SLC9A7: variants seen among roughly 807,000 people sequenced by gnomAD.
SLC9A7 encodes the protein sodium/hydrogen exchanger 7.
Under a neutral mutation model 52.6 loss-of-function variants are expected in SLC9A7, and 19 were observed. The observed-to-expected ratio is 0.36, with a 90% CI of 0.25 to 0.53. The LOEUF is 0.53. Among genes scored for constraint, SLC9A7 ranks in the 20% least tolerant of loss-of-function variants. SLC9A7 has a pLI of 0.91. For synonymous variants in SLC9A7, 226 were observed against 252.1 expected, an observed-to-expected ratio of 0.90 and a Z score of 0.98; for missense variants, 455 against 597.9, an observed-to-expected ratio of 0.76 and a Z score of 2.49.
chrX:46,675,314 G>A (rs1003603230), intron 3 of SLC9A7, among the ~76,000 whole-genome samples: 5 of 111,465 alleles, frequency 4.5e-5, no homozygotes, highest in Non-Finnish European at 9.4e-5. Context: ...TATACCATCC[G>A]TTAAATGGTG....
intron 1 of SLC9A7, among the ~76,000 whole-genome samples, chrX:46,692,297 C>T (rs1184342602): frequency 9.0e-6 from 1 of 111,464 alleles, no homozygotes; most frequent in African/African-American, 3.3e-5. Flanking sequence ...CTGCATGGCA[C>T]CATTAGGAAG....
At chrX:46,716,398 A>G (rs1211407114) in intron 1 of SLC9A7, among the ~76,000 whole-genome samples, 3 of 112,090 alleles carry the variant, frequency 2.7e-5, no homozygotes, top group Non-Finnish European at 3.8e-5. Flanking sequence ...CCTTAATTCA[A>G]TAAACATTCA....
intron 12 of SLC9A7, among the ~76,000 whole-genome samples, chrX:46,640,944 C>T (rs1260381020): frequency 8.9e-6 from 1 of 111,982 alleles, no homozygotes; most frequent in African/African-American, 3.2e-5. Context: ...TGGGAATGTA[C>T]AATGGTACAG....
intron 1 of SLC9A7, 113 bp from the exon 2 acceptor site, chrX:46,682,648 G>T: frequency 1.5e-6 from 1 of 652,523 alleles, no homozygotes; most frequent in Non-Finnish European, 2.4e-6. Flanking sequence ...CTTAGAAACT[G>T]GGCATGGGGT....
intron 1 of SLC9A7, among the ~76,000 whole-genome samples, chrX:46,721,242 C>T (rs1944855484): frequency 9.0e-6 from 1 of 111,570 alleles, no homozygotes; most frequent in Middle Eastern, 4.6e-3. Context: ...TGGTTCTTTC[C>T]ACTTCTAAAA....
chrX:46,720,993 GAACA>G lies in SLC9A7; in HGVS notation c.325+37708_325+37711del, dbSNP rs767695917. Reference sequence around the variant, plus strand: ...ACAGTACAACAAAATCTAAACTTAAGAACAAACAGGCTGAACAAAGGACTTCAAA... The same window carrying G: ...ACAGTACAACAAAATCTAAACTTAAGAACAGGCTGAACAAAGGACTTCAAA... On this transcript the variant is annotated intron_variant, in intron 1 of 16. Transcript: ENST00000616978. Among the ~76,000 whole-genome samples, 4 of 111,949 alleles carry G rather than the reference GAACA, an allele frequency of 3.6e-5. No individual in the cohort carries two copies. The East Asian group carries it at 1.1e-3, about 31-fold the overall frequency.
At chrX:46,746,497 C>A (rs962128710) in intron 1 of SLC9A7, among the ~76,000 whole-genome samples, 1 of 111,911 alleles carries the variant, frequency 8.9e-6, no homozygotes, top group African/African-American at 3.2e-5. Flanking sequence ...ATAAACATTT[C>A]TCAAAAGAAG....
intron 1 of SLC9A7, among the ~76,000 whole-genome samples, chrX:46,721,765 C>T (rs745599291): frequency 2.7e-5 from 3 of 111,958 alleles, no homozygotes; most frequent in African/African-American, 9.7e-5. Flanking sequence ...CAAGCAAAGG[C>T]CTTGCCTTTC....
chrX:46,633,072 G>A lies in SLC9A7; in HGVS notation c.1677-1423C>T, dbSNP rs147668743. 1.5e-3 allele frequency among the ~76,000 whole-genome samples: 161 copies of A among 108,668 alleles called. 1 individual carries two copies. The highest frequency in any genetic ancestry group is 5.2e-3 in the African/African-American group (156 of 29,923). 94.4% of individuals were successfully genotyped at this position (108,668 alleles called of 115,157 possible). A position where few individuals can be genotyped will look rare whatever the true frequency, so the allele number is the denominator to read the frequency against. On this transcript the variant is annotated intron_variant, in intron 13 of 16. Transcript: ENST00000616978. ...GACATGGATAACACTGGGCAATGGGGGAAAGAAAAAAGATGCCAGGAAAAT... is the reference window on the plus strand; with the variant it reads ...GACATGGATAACACTGGGCAATGGGAGAAAGAAAAAAGATGCCAGGAAAAT...
At chrX:46,710,857 C>T (rs1203072251) in intron 1 of SLC9A7, among the ~76,000 whole-genome samples, 1 of 111,973 alleles carries the variant, frequency 8.9e-6, no homozygotes, top group African/African-American at 3.2e-5. Flanking sequence ...CTGATGACAA[C>T]CTGGGGTCCC....
chrX:46,642,546 C>T (rs1943422777), intron 12 of SLC9A7, among the ~76,000 whole-genome samples: 1 of 112,140 alleles, frequency 8.9e-6, no homozygotes, highest in East Asian at 2.8e-4. Flanking sequence ...GTCTTTAACC[C>T]AAGCCAGAGT....
At chrX:46,654,561 G>C (rs899846282) in intron 7 of SLC9A7, among the ~76,000 whole-genome samples, 1 of 111,047 alleles carries the variant, frequency 9.0e-6, no homozygotes, top group Non-Finnish European at 1.9e-5. Flanking sequence ...TGGTCATGAC[G>C]TCAGGCTGGC....
chrX:46,609,485 G>A (rs1464172103), intron 16 of SLC9A7, among the ~76,000 whole-genome samples: 2 of 112,202 alleles, frequency 1.8e-5, no homozygotes. Flanking sequence ...TGGATCACGA[G>A]GTCAGGGGTT....
intron 1 of SLC9A7, among the ~76,000 whole-genome samples, chrX:46,712,287 C>G (rs1944703090): frequency 9.0e-6 from 1 of 111,323 alleles, no homozygotes; most frequent in Non-Finnish European, 1.9e-5. Context: ...GCACAGTGTC[C>G]ACATCTGTCT....
intron 1 of SLC9A7, among the ~76,000 whole-genome samples, chrX:46,713,751 G>A (rs956190026): frequency 3.6e-5 from 4 of 110,169 alleles, no homozygotes; most frequent in African/African-American, 9.9e-5. Context: ...CCTGTGGTTC[G>A]GTACTTTCAG....
chrX:46,641,874 A>C (rs1322497697), intron 12 of SLC9A7, among the ~76,000 whole-genome samples: 1 of 112,087 alleles, frequency 8.9e-6, no homozygotes, highest in Non-Finnish European at 1.9e-5. Flanking sequence ...TAATAGTCCT[A>C]TCTCCCTTAT....
At chrX:46,629,971 CAT>C (rs1457255415) in intron 14 of SLC9A7, among the ~76,000 whole-genome samples, 1 of 112,039 alleles carries the variant, frequency 8.9e-6, no homozygotes, top group Non-Finnish European at 1.9e-5. Flanking sequence ...TCCCAACTGA[CAT>C]AATGGCCAAT....
intron 16 of SLC9A7, among the ~76,000 whole-genome samples, chrX:46,611,136 C>T (rs149093340): frequency 0.011 from 1,228 of 111,571 alleles, 15 homozygotes; most frequent in African/African-American, 0.027. Context: ...AGGGCCCCTA[C>T]TACCACTTTA....
chrX:46,677,719 G>A (rs760302390), intron 3 of SLC9A7, among the ~76,000 whole-genome samples: 8 of 112,206 alleles, frequency 7.1e-5, no homozygotes, highest in Non-Finnish European at 1.3e-4. Flanking sequence ...CTGATGGGCC[G>A]GCATCCTCTC....
Sources: gnomAD v4.1 joint callset for allele counts (sites outside exome capture counted in the v4.1 genomes callset) on GRCh38, gnomAD v4.1.1 for gene constraint, MANE v1.5 for transcripts, NCBI Gene and HGNC (gene_info 2026-07-23, HGNC 2026-07-21) for gene names.